RTTN: variants seen among roughly 807,000 people sequenced by gnomAD.
RTTN encodes the protein rotatin.
Under a neutral mutation model 269.2 loss-of-function variants are expected in RTTN, and 182 were observed. The observed-to-expected ratio is 0.68, with a 90% CI of 0.60 to 0.76. The LOEUF (loss-of-function observed/expected upper bound fraction) is 0.76, where lower values mean the gene tolerates loss of function less well. RTTN is among the 30% of genes least tolerant of loss of function. The pLI, the probability that RTTN is intolerant of heterozygous loss-of-function variation, is 0.00. For synonymous variants in RTTN, 1,006 were observed against 963.5 expected, an observed-to-expected ratio of 1.04 and a Z score of -0.82; for missense variants, 2,545 against 2,608.6, an observed-to-expected ratio of 0.98 and a Z score of 0.53.
At chr18:70,193,237 C>A in intron 8 of RTTN, 51 bp downstream of exon 8, 1 of 1,417,284 alleles carries the variant, frequency 7.1e-7, no homozygotes, top group Non-Finnish European at 9.6e-7. Context: ...TTAACACACA[C>A]ACAAGTTAAC....
At chr18:70,067,163 AT>A (rs71178843) in intron 34 of RTTN, among the ~76,000 whole-genome samples, 22 of 144,810 alleles carry the variant, frequency 1.5e-4, no homozygotes, top group African/African-American at 3.5e-4. Context: ...AAGCTTGTTT[AT>A]TTTTTTTTTT....
At chr18:70,053,836 C>T (rs568132222) in intron 38 of RTTN, among the ~76,000 whole-genome samples, 3 of 152,324 alleles carry the variant, frequency 2.0e-5, no homozygotes, top group African/African-American at 7.2e-5. Flanking sequence ...TGGCCTTAGC[C>T]ATAGTTTATA....
intron 43 of RTTN, among the ~76,000 whole-genome samples, chr18:70,028,175 C>A (rs1467075375): frequency 6.6e-6 from 1 of 152,006 alleles, no homozygotes; most frequent in Non-Finnish European, 1.5e-5. Context: ...AGTACTGATA[C>A]AATGGTTTAA....
chr18:70,176,768 C>T lies in RTTN; in HGVS notation c.1383G>A (p.Gln461=), dbSNP rs759398916. 44 of 1,614,120 alleles carry T rather than the reference C, an allele frequency of 2.7e-5. No homozygotes were observed. The highest frequency in any genetic ancestry group is 3.6e-5 in the Non-Finnish European group (43 of 1,179,980). ...CYHKSSISLE[Q]PEVMLVHHRM... Reference sequence around the variant, plus strand: ...TGTGGTGCACAAGCATCACCTCTGGCTGCTCCAAACTGATACTACTTTTAT... The same window carrying T: ...TGTGGTGCACAAGCATCACCTCTGGTTGCTCCAAACTGATACTACTTTTAT... The change falls in exon 11 of 49, where the codon CAG becomes CAA. Residue 461 remains glutamine, a synonymous_variant. Coordinates refer to ENST00000640769, the MANE Select transcript of RTTN (RefSeq NM_173630.4).
chr18:70,020,051 A>G (rs1351627175), intron 45 of RTTN: 3 of 152,340 alleles, frequency 2.0e-5, no homozygotes, highest in African/African-American at 7.2e-5. Context: ...ACAGAATATA[A>G]GTGCACATGT....
intron 9 of RTTN, among the ~76,000 whole-genome samples, chr18:70,190,045 T>G (rs1002972929): frequency 1.3e-5 from 2 of 152,160 alleles, no homozygotes; most frequent in African/African-American, 4.8e-5. Context: ...TTAAGTGGCT[T>G]AAGTAGCAAG....
intron 35 of RTTN, 86 bp from the exon 36 acceptor site, chr18:70,060,128 C>T (rs2057937375): frequency 8.5e-7 from 1 of 1,179,022 alleles, no homozygotes; most frequent in African/African-American, 1.6e-5. Context: ...TAGGAAAGTT[C>T]CTGAAAATGA....
chr18:70,177,081 T>A (rs911289482), intron 10 of RTTN, among the ~76,000 whole-genome samples: 7 of 152,222 alleles, frequency 4.6e-5, no homozygotes, highest in Non-Finnish European at 1.0e-4. Context: ...GTATTTAATA[T>A]GATGAATCTT....
intron 26 of RTTN, among the ~76,000 whole-genome samples, chr18:70,119,892 A>T (rs1210917982): frequency 1.1e-4 from 16 of 152,342 alleles, no homozygotes; most frequent in Middle Eastern, 3.4e-3. Context: ...GCACTATAAT[A>T]AATGCTGGGT....
In RTTN at chr18:70,075,471, T is replaced by C. The variant is rs372019678; in HGVS notation, c.4445A>G (p.Tyr1482Cys). The C allele has an allele frequency of 1.6e-5, 26 of 1,608,660 alleles. No individual in the cohort carries two copies. Among genetic ancestry groups the C allele is most frequent in the Non-Finnish European group, 2.2e-5 (26 of 1,177,612 alleles). ...CAAATGTTCATAAAAATGGCAGTGA[T>C]ATAAAAGAGCCTGAAGGGCAGGTTT... ...IGKPALQALL[Y>C]HCHFYEHLNQ... Residue 1482 changes from tyrosine (Y) to cysteine (C), a missense_variant, in exon 33 of 49, where the codon TAT becomes TGT. Transcript: ENST00000640769.
Position 70,128,433 on chromosome 18 carries a change from A to C in RTTN, c.3068T>G (p.Ile1023Arg). Residue 1023 changes from isoleucine to arginine, a missense_variant, in exon 24 of 49, where the codon ATA (isoleucine) becomes AGA (arginine). By Grantham distance (97) the Ile-to-Arg change is moderately conservative. Transcript: ENST00000640769. ...ALKPVSDMLR[I>R]AWNLSWYHGS... ...ATGATACCATGACAGGTTCCAAGCT[A>C]TTCTCAGCATATCTGACACCGGCTT... 1 of 1,613,460 alleles carries C rather than the reference A, an allele frequency of 6.2e-7. No individual in the cohort carries two copies.
intron 46 of RTTN, among the ~76,000 whole-genome samples, chr18:70,010,730 C>T (rs529693788): frequency 6.6e-6 from 1 of 152,246 alleles, no homozygotes; most frequent in South Asian, 2.1e-4. Context: ...CAAGAAATAA[C>T]TAAGATCAGA....
intron 10 of RTTN, among the ~76,000 whole-genome samples, chr18:70,179,901 T>C (rs2061383151): frequency 6.6e-6 from 1 of 152,144 alleles, no homozygotes; most frequent in Non-Finnish European, 1.5e-5. Flanking sequence ...AATCTCATCA[T>C]GCCTTCAGAG....
chr18:70,187,536 T>C (rs900391707), intron 10 of RTTN, among the ~76,000 whole-genome samples: 19 of 152,136 alleles, frequency 1.2e-4, no homozygotes, highest in African/African-American at 3.6e-4. Flanking sequence ...AATCTAACTG[T>C]ATGCTGAATG....
chr18:70,183,321 A>T (rs10513990), intron 10 of RTTN, among the ~76,000 whole-genome samples: 4,292 of 152,268 alleles, frequency 0.028, 224 homozygotes, highest in African/African-American at 0.098. Context: ...CAGAGACCTA[A>T]ACAAGTTTCC....
At chr18:70,111,403 G>T (rs964257126) in intron 27 of RTTN, among the ~76,000 whole-genome samples, 1 of 152,126 alleles carries the variant, frequency 6.6e-6, no homozygotes, top group Admixed American at 6.5e-5. Flanking sequence ...CTCCGCTGGC[G>T]ATACCTAGGC....
At chr18:70,056,028 C>T (rs2057807688) in intron 37 of RTTN, among the ~76,000 whole-genome samples, 1 of 152,192 alleles carries the variant, frequency 6.6e-6, no homozygotes, top group African/African-American at 2.4e-5. Context: ...TTTACCCATC[C>T]TCAATTGCTT....
intron 34 of RTTN, among the ~76,000 whole-genome samples, chr18:70,068,577 T>C (rs903421531): frequency 5.3e-5 from 8 of 152,162 alleles, no homozygotes; most frequent in Non-Finnish European, 8.8e-5. Context: ...AGCTGCCCCA[T>C]CCCAGGTGAA....
chr18:70,049,467 A>T (rs955099970), intron 39 of RTTN, among the ~76,000 whole-genome samples: 1 of 152,214 alleles, frequency 6.6e-6, no homozygotes, highest in Non-Finnish European at 1.5e-5. Context: ...GAACTCCTAC[A>T]TCCAGAAAAT....
Sources: allele counts gnomAD v4.1 joint callset (sites outside exome capture counted in the v4.1 genomes callset), GRCh38; gene constraint gnomAD v4.1.1; transcripts MANE v1.5; gene names NCBI Gene and HGNC (gene_info 2026-07-23, HGNC 2026-07-21).